Variants in NRG1 observed in about 807,000 individuals in gnomAD.
The protein encoded by NRG1 is pro-neuregulin-1, membrane-bound isoform.
A neutral mutation model predicts 63.8 loss-of-function variants in NRG1; 18 were observed. The ratio of observed to expected loss-of-function variants is 0.28; its 90% CI spans 0.19 to 0.42. NRG1 has a LOEUF of 0.42. Among genes scored for constraint, NRG1 ranks in the 10% least tolerant of loss-of-function variants. The pLI is 1.00. For synonymous variants in NRG1, 302 were observed against 301.3 expected, an observed-to-expected ratio of 1.00 and a Z score of -0.02; for missense variants, 762 against 814.7, an observed-to-expected ratio of 0.94 and a Z score of 0.79.
chr8:32,416,887 T>C (rs1815996127), intron 1 of NRG1, among the ~76,000 whole-genome samples: 1 of 152,132 alleles, frequency 6.6e-6, no homozygotes, highest in African/African-American at 2.4e-5. Context: ...GGTTTTTCCA[T>C]GTTGCCCAGG....
chr8:32,741,720 T>C (rs780740253), intron 6 of NRG1, among the ~76,000 whole-genome samples: 8 of 152,126 alleles, frequency 5.3e-5, no homozygotes, highest in Non-Finnish European at 1.0e-4. Flanking sequence ...CAAAGGGAAA[T>C]TGACAGCTCT....
intron 1 of NRG1, among the ~76,000 whole-genome samples, chr8:31,677,645 A>G (rs1479279487): frequency 6.6e-6 from 1 of 152,140 alleles, no homozygotes; most frequent in Non-Finnish European, 1.5e-5. Context: ...ACAAATCCAC[A>G]GTAAAATTTA....
At chr8:31,917,425 G>C (rs560281777) in intron 1 of NRG1, among the ~76,000 whole-genome samples, 3 of 150,266 alleles carry the variant, frequency 2.0e-5, no homozygotes, top group Admixed American at 6.7e-5. Flanking sequence ...TCTCCATATG[G>C]CTAGCCAGTT....
intron 1 of NRG1, among the ~76,000 whole-genome samples, chr8:32,506,172 C>G (rs373457370): frequency 2.6e-5 from 4 of 152,272 alleles, no homozygotes; most frequent in African/African-American, 9.6e-5. Flanking sequence ...TTGTTTGACC[C>G]TGGGAGTTTG....
chr8:31,724,951 G>A (rs1813277898), intron 1 of NRG1, among the ~76,000 whole-genome samples: 1 of 152,200 alleles, frequency 6.6e-6, no homozygotes, highest in African/African-American at 2.4e-5. Context: ...TGCCATTGTA[G>A]TGTGAAAGCA....
chr8:31,796,887 C>G (rs1216438817), intron 1 of NRG1, among the ~76,000 whole-genome samples: 1 of 152,152 alleles, frequency 6.6e-6, no homozygotes, highest in Non-Finnish European at 1.5e-5. Flanking sequence ...ACCAGTGACT[C>G]AGTCCCTCTG....
intron 1 of NRG1, among the ~76,000 whole-genome samples, chr8:32,179,345 G>A (rs748505290): frequency 6.6e-6 from 1 of 152,152 alleles, no homozygotes; most frequent in Non-Finnish European, 1.5e-5. Flanking sequence ...ACTGTGTGTA[G>A]CAATACGTTT....
intron 1 of NRG1, among the ~76,000 whole-genome samples, chr8:32,067,120 C>T (rs1229762994): frequency 6.6e-6 from 1 of 152,180 alleles, no homozygotes; most frequent in South Asian, 2.1e-4. Context: ...AATATACAAT[C>T]ATATCATCTC....
At position 32,325,297 on chromosome 8, in the gene NRG1, C is replaced by T. The variant is rs556274609; in HGVS notation, c.38-270531C>T. Among the ~76,000 whole-genome samples the T allele has an allele frequency of 7.1e-4, 108 of 152,214 alleles. 1 individual carries two copies. Among genetic ancestry groups the T allele is most frequent in the African/African-American group, 2.2e-3 (92 of 41,552 alleles). The stretch of plus-strand genomic sequence containing the variant: ...AAGTCATAATTCAAAACAGCTGTTA[C>T]GGGGTGGGGCACAATGGCATTGATA... On this transcript the variant is annotated intron_variant, in intron 1 of 10. Transcript: ENST00000519301.
intron 1 of NRG1, among the ~76,000 whole-genome samples, chr8:32,209,406 A>C (rs1844424104): frequency 6.6e-6 from 1 of 152,130 alleles, no homozygotes. Flanking sequence ...TATATCATAA[A>C]TCCACCCATT....
At chr8:32,220,147 A>T (rs1330256668) in intron 1 of NRG1, among the ~76,000 whole-genome samples, 2 of 150,106 alleles carry the variant, frequency 1.3e-5, no homozygotes, top group East Asian at 1.9e-4. Flanking sequence ...AACACATCAT[A>T]TTTTTTTTTT....
At chr8:32,752,924 G>C (rs1162356533) in intron 7 of NRG1, among the ~76,000 whole-genome samples, 1 of 152,108 alleles carries the variant, frequency 6.6e-6, no homozygotes, top group Admixed American at 6.6e-5. Context: ...TCGGCTTGTA[G>C]GAAATGTTTT....
At chr8:32,165,971 G>A (rs907314344) in intron 1 of NRG1, among the ~76,000 whole-genome samples, 1 of 152,104 alleles carries the variant, frequency 6.6e-6, no homozygotes, top group Admixed American at 6.6e-5. Context: ...TGGTCATAGG[G>A]ATTTACTTCA....
At chr8:32,476,754 A>G (rs1306581637) in intron 1 of NRG1, among the ~76,000 whole-genome samples, 1 of 152,150 alleles carries the variant, frequency 6.6e-6, no homozygotes, top group Non-Finnish European at 1.5e-5. Context: ...ACTTTGCTGG[A>G]AAGAATAACA....
chr8:32,730,532 C>G (rs187493825), intron 6 of NRG1, among the ~76,000 whole-genome samples: 23 of 152,064 alleles, frequency 1.5e-4, no homozygotes, highest in Admixed American at 9.8e-4. Flanking sequence ...TTATCTCATA[C>G]GACTATGTTT....
chr8:31,673,309 C>T (rs1168081586), intron 1 of NRG1, among the ~76,000 whole-genome samples: 1 of 152,146 alleles, frequency 6.6e-6, no homozygotes, highest in East Asian at 1.9e-4. Flanking sequence ...TCTTGTATAA[C>T]AGACACCATT....
chr8:32,470,133 G>T (rs562411430), intron 1 of NRG1, among the ~76,000 whole-genome samples: 6 of 146,390 alleles, frequency 4.1e-5, no homozygotes, highest in African/African-American at 1.3e-4. Context: ...TCGGCCTCCC[G>T]AAGTGCTGGG....
intron 1 of NRG1, among the ~76,000 whole-genome samples, chr8:31,738,769 T>G (rs1814951596): frequency 6.6e-6 from 1 of 152,094 alleles, no homozygotes; most frequent in South Asian, 2.1e-4. Flanking sequence ...GTAGCTGCAA[T>G]GCTTCAGTCT....
rs1554517233 is a variant in NRG1, at chr8:32,356,482, C to CG, written c.38-239346_38-239345insG. Among the ~76,000 whole-genome samples, 95 of 131,746 alleles carry CG rather than the reference C, an allele frequency of 7.2e-4. 1 individual carries two copies. Among genetic ancestry groups the CG allele is most frequent in the Admixed American group, 2.4e-3 (33 of 13,616 alleles). 86.4% of individuals were successfully genotyped at this position (131,746 alleles called of 152,430 possible). On this transcript the variant is annotated intron_variant, in intron 1 of 10. Coordinates refer to the NRG1 transcript ENST00000519301. The stretch of plus-strand genomic sequence containing the variant: ...AGAGTTTCCTTGTTGGGACCCCCCC[C>CG]CCACCCGCCGGGCCCCACCCCGTTG...
Sources: allele counts gnomAD v4.1 joint callset (sites outside exome capture counted in the v4.1 genomes callset), GRCh38; gene constraint gnomAD v4.1.1; transcripts MANE v1.5; gene names NCBI Gene and HGNC (gene_info 2026-07-23, HGNC 2026-07-21).